The following MTUS2 variants were observed in gnomAD, a reference collection of about 807,000 sequenced individuals.
MTUS2 encodes microtubule associated scaffold protein 2, also known as microtubule-associated tumor suppressor candidate 2.
A neutral mutation model predicts 114.1 loss-of-function variants in MTUS2; 40 were observed. The observed-to-expected ratio is 0.35, with a 90% CI of 0.27 to 0.46. MTUS2 has a LOEUF of 0.46. MTUS2 is among the 20% of genes least tolerant of loss of function. MTUS2 has a pLI of 1.00. For missense variants in MTUS2, 1,679 were observed against 1,705.4 expected (o/e 0.98, Z 0.27); for synonymous variants, 688 against 672.0 (o/e 1.02, Z -0.37).
intron 5 of MTUS2, among the ~76,000 whole-genome samples, chr13:29,166,025 C>T (rs1034455780): frequency 5.9e-5 from 9 of 152,050 alleles, no homozygotes; most frequent in Admixed American, 1.3e-4. Flanking sequence ...AGATCCTTGT[C>T]GTAAGGGAAT....
At chr13:29,031,270 G>GTGTGTGTGT (rs1555287201) in intron 3 of MTUS2, among the ~76,000 whole-genome samples, 7 of 22,436 alleles carry the variant, frequency 3.1e-4, no homozygotes, top group Non-Finnish European at 8.9e-4. Flanking sequence ...GTGTGTGTGT[G>GTGTGTGTGT]GTGTGTGTTC....
chr13:28,993,635 C>A (rs796191474), intron 2 of MTUS2, among the ~76,000 whole-genome samples: 51 of 152,204 alleles, frequency 3.4e-4, no homozygotes, highest in African/African-American at 1.2e-3. Context: ...TATGGCTAGC[C>A]AGCTATCCCA....
At chr13:29,360,954 A>C (rs1160452470) in intron 8 of MTUS2, among the ~76,000 whole-genome samples, 2 of 152,194 alleles carry the variant, frequency 1.3e-5, no homozygotes, top group African/African-American at 4.8e-5. Flanking sequence ...TAAAGGTTTC[A>C]TATGATGGAC....
chr13:29,134,049 G>A (rs1472716927), intron 5 of MTUS2, among the ~76,000 whole-genome samples: 1 of 152,010 alleles, frequency 6.6e-6, no homozygotes, highest in African/African-American at 2.4e-5. Flanking sequence ...CTTTGGCACT[G>A]CTTTTGTTTA....
chr13:29,441,964 G>A (rs918227552), intron 9 of MTUS2, among the ~76,000 whole-genome samples: 2 of 152,174 alleles, frequency 1.3e-5, no homozygotes, highest in Non-Finnish European at 2.9e-5. Flanking sequence ...CGGCTTTAGG[G>A]CCTGTCCTCA....
chr13:29,418,465 A>G (rs931230519), intron 8 of MTUS2, among the ~76,000 whole-genome samples: 1 of 152,204 alleles, frequency 6.6e-6, no homozygotes, highest in African/African-American at 2.4e-5. Flanking sequence ...ATACAGATCA[A>G]GTAAGAATTT....
intron 5 of MTUS2, among the ~76,000 whole-genome samples, chr13:29,263,518 AG>A (rs995206055): frequency 2.6e-5 from 4 of 152,200 alleles, no homozygotes; most frequent in African/African-American, 7.2e-5. Context: ...TAATAAAGAA[AG>A]GGGGTTTAAT....
Position 29,118,648 on chromosome 13 carries a change from G to C in MTUS2, c.2644+17678G>C, listed in dbSNP as rs1274870863. 2.6e-5 allele frequency among the ~76,000 whole-genome samples: 4 copies of C among 152,204 alleles called. No individual in the cohort carries two copies. In the East Asian group the frequency reaches 7.7e-4, roughly 29 times the overall value. Reference sequence around the variant, plus strand: ...GTAGGTACTGGCTGAGGTTCTGTGTGAGTGATCCCTGGAGAGCAGTGGGGG... The same window carrying C: ...GTAGGTACTGGCTGAGGTTCTGTGTCAGTGATCCCTGGAGAGCAGTGGGGG... On this transcript the variant is annotated intron_variant, in intron 5 of 15. Coordinates refer to ENST00000612955, the MANE Select transcript of MTUS2 (RefSeq NM_001033602.4).
chr13:29,350,529 T>C (rs1177684660), intron 7 of MTUS2, among the ~76,000 whole-genome samples: 1 of 151,944 alleles, frequency 6.6e-6, no homozygotes, highest in Non-Finnish European at 1.5e-5. Flanking sequence ...TTTAGTAAAC[T>C]TACTTGATTA....
At chr13:29,488,086 C>T (rs369528689) in intron 11 of MTUS2, 81 bp downstream of exon 11, 11 of 1,075,100 alleles carry the variant, frequency 1.0e-5, no homozygotes, top group African/African-American at 9.3e-5. Flanking sequence ...GTGGAGCCCC[C>T]CTTCCTCTCT....
intron 2 of MTUS2, among the ~76,000 whole-genome samples, chr13:28,925,622 G>A (rs1881283838): frequency 6.6e-6 from 1 of 152,128 alleles, no homozygotes; most frequent in African/African-American, 2.4e-5. Context: ...AGGACCCAGG[G>A]CTGAGTTCAC....
intron 14 of MTUS2, 35 bp downstream of exon 14, chr13:29,498,572 C>T (rs770550146): frequency 1.2e-6 from 2 of 1,612,468 alleles, no homozygotes; most frequent in Non-Finnish European, 1.7e-6. Flanking sequence ...GAGTAACCTC[C>T]ATGACATTCC....
intron 5 of MTUS2, among the ~76,000 whole-genome samples, chr13:29,216,232 C>G (rs1272056130): frequency 6.6e-6 from 1 of 152,218 alleles, no homozygotes; most frequent in Non-Finnish European, 1.5e-5. Flanking sequence ...CTTCCTTCAT[C>G]AAGCTCGAGT....
At chr13:28,909,690 A>G (rs1455766336) in intron 2 of MTUS2, among the ~76,000 whole-genome samples, 1 of 152,192 alleles carries the variant, frequency 6.6e-6, no homozygotes, top group Non-Finnish European at 1.5e-5. Context: ...GCAATCAGGC[A>G]GGAGAAGGAA....
chr13:29,445,986 G>A (rs1195200230), intron 9 of MTUS2, among the ~76,000 whole-genome samples: 5 of 152,006 alleles, frequency 3.3e-5, no homozygotes, highest in African/African-American at 4.8e-5. Context: ...GTTGGTGGGT[G>A]GGACTGAAAG....
chr13:28,861,439 C>CTTTT (rs11462684), intron 2 of MTUS2, among the ~76,000 whole-genome samples: 4 of 139,458 alleles, frequency 2.9e-5, no homozygotes, highest in African/African-American at 8.0e-5. Context: ...CTGTTTTTTT[C>CTTTT]TTTTTTTTTT....
chr13:29,187,574 C>G (rs1402276643), intron 5 of MTUS2, among the ~76,000 whole-genome samples: 4 of 152,058 alleles, frequency 2.6e-5, no homozygotes, highest in African/African-American at 9.7e-5. Context: ...TAGGTTCTGC[C>G]CCATAGTTTG....
intron 2 of MTUS2, among the ~76,000 whole-genome samples, chr13:28,886,389 G>A (rs976110027): frequency 1.3e-5 from 2 of 152,164 alleles, no homozygotes; most frequent in African/African-American, 4.8e-5. Flanking sequence ...TGGGTCTAGG[G>A]TTAGTGGTGG....
chr13:29,218,073 T>G (rs1212137048), intron 5 of MTUS2, among the ~76,000 whole-genome samples: 1 of 151,848 alleles, frequency 6.6e-6, no homozygotes, highest in East Asian at 1.9e-4. Context: ...GTTATGATTG[T>G]GCCGTCATAC....
Sources: gnomAD v4.1 joint callset for allele counts (sites outside exome capture counted in the v4.1 genomes callset) on GRCh38, gnomAD v4.1.1 for gene constraint, MANE v1.5 for transcripts, NCBI Gene and HGNC (gene_info 2026-07-23, HGNC 2026-07-21) for gene names.